The following PRDM11 variants were observed in gnomAD, a reference collection of about 807,000 sequenced individuals.
PRDM11 encodes PR/SET domain 11, also known as PR domain-containing protein 11.
PRDM11 carries 20 observed loss-of-function variants against 97.8 expected under a neutral mutation model. The ratio of observed to expected loss-of-function variants is 0.20; its 90% CI spans 0.14 to 0.30. PRDM11 has a LOEUF of 0.30. PRDM11 is among the 10% of genes least tolerant of loss of function. PRDM11 has a pLI of 1.00. For missense variants in PRDM11, 1,139 were observed against 1,555.2 expected, an observed-to-expected ratio of 0.73 and a Z score of 4.50; for synonymous variants, 599 against 637.7, an observed-to-expected ratio of 0.94 and a Z score of 0.91.
chr11:45,203,623 AT>A (rs3052176), intron 4 of PRDM11, among the ~76,000 whole-genome samples: 70 of 143,926 alleles, frequency 4.9e-4, no homozygotes, highest in Middle Eastern at 3.6e-3. Context: ...TACTCCCATA[AT>A]TTTTTTTTTT....
At chr11:45,186,161 G>GT (rs1852698085) in intron 4 of PRDM11, among the ~76,000 whole-genome samples, 1 of 152,216 alleles carries the variant, frequency 6.6e-6, no homozygotes, top group Non-Finnish European at 1.5e-5. Flanking sequence ...AGCCACTGTG[G>GT]TTTTGGCAGT....
intron 1 of PRDM11, among the ~76,000 whole-genome samples, chr11:45,167,125 A>T (rs1056549047): frequency 1.3e-5 from 2 of 152,312 alleles, no homozygotes; most frequent in East Asian, 3.9e-4. Context: ...AGATCATACA[A>T]AAATGGAATT....
intron 1 of PRDM11, among the ~76,000 whole-genome samples, chr11:45,134,701 GAAAAAAAAAA>G (rs1191008824): frequency 3.4e-4 from 15 of 44,266 alleles, no homozygotes; most frequent in East Asian, 1.8e-3. Context: ...CCTGTCTCAC[GAAAAAAAAAA>G]AAAAAAAAAA....
intron 4 of PRDM11, among the ~76,000 whole-genome samples, chr11:45,188,052 C>A (rs1387862439): frequency 6.6e-6 from 1 of 152,076 alleles, no homozygotes; most frequent in Non-Finnish European, 1.5e-5. Context: ...TACTGGATAT[C>A]ATCTTCTTTG....
chr11:45,158,235 A>G (rs926255705), intron 1 of PRDM11, among the ~76,000 whole-genome samples: 3 of 152,170 alleles, frequency 2.0e-5, no homozygotes, highest in African/African-American at 7.2e-5. Context: ...GAACAGACCA[A>G]GGTGTGCCTG....
intron 1 of PRDM11, among the ~76,000 whole-genome samples, chr11:45,157,209 A>T (rs547224448): frequency 6.6e-6 from 1 of 152,116 alleles, no homozygotes; most frequent in Non-Finnish European, 1.5e-5. Context: ...GGACCATTTC[A>T]TGAAGGACAA....
In PRDM11 at chr11:45,173,588, T is replaced by C. The variant is rs181093117; in HGVS notation, c.-6-8173T>C. On this transcript the variant is annotated intron_variant, in intron 1 of 7. Coordinates refer to ENST00000683152, the MANE Select transcript of PRDM11 (RefSeq NM_001384648.1). ...AGTGAGCCGAGATCACGCCACTGCATTCCAGCCTGGACAACAAGAGAGAAA... is the reference window on the plus strand; with the variant it reads ...AGTGAGCCGAGATCACGCCACTGCACTCCAGCCTGGACAACAAGAGAGAAA... 7.2e-4 allele frequency among the ~76,000 whole-genome samples: 108 copies of C among 149,938 alleles called. 2 individuals are homozygous for C. The East Asian group carries it at 0.015, about 21-fold the overall frequency.
intron 1 of PRDM11, among the ~76,000 whole-genome samples, chr11:45,096,682 T>G (rs530804334): frequency 1.3e-5 from 2 of 152,318 alleles, no homozygotes; most frequent in South Asian, 4.1e-4. Context: ...AGCAGCCTCT[T>G]CACTGGCTTT....
At chr11:45,213,544 C>T (rs1853852940) in intron 5 of PRDM11, 1 of 456,484 alleles carries the variant, frequency 2.2e-6, no homozygotes, top group Non-Finnish European at 4.4e-6. Flanking sequence ...CCTTGGCCCT[C>T]CGCTTGCCCT....
intron 1 of PRDM11, among the ~76,000 whole-genome samples, chr11:45,098,640 T>A (rs1445430658): frequency 6.6e-6 from 1 of 152,084 alleles, no homozygotes; most frequent in Admixed American, 6.6e-5. Flanking sequence ...CTACCATGAC[T>A]ATGGGGTGGT....
At chr11:45,218,938 G>T (rs1854033003) in intron 5 of PRDM11, among the ~76,000 whole-genome samples, 1 of 152,240 alleles carries the variant, frequency 6.6e-6, no homozygotes, top group Admixed American at 6.5e-5. Flanking sequence ...TGGCCTCTCT[G>T]AGCCTCAGTC....
intron 5 of PRDM11, among the ~76,000 whole-genome samples, chr11:45,210,295 C>G (rs979360911): frequency 6.6e-6 from 1 of 152,230 alleles, no homozygotes; most frequent in Non-Finnish European, 1.5e-5. Context: ...CTGTACTTGT[C>G]CCTGCCTTTC....
intron 1 of PRDM11, among the ~76,000 whole-genome samples, chr11:45,128,401 C>CTT (rs1307430883): frequency 3.9e-5 from 6 of 152,176 alleles, no homozygotes; most frequent in Non-Finnish European, 5.9e-5. Flanking sequence ...AACCCGGTAC[C>CTT]TCAGATGGAA....
At chr11:45,163,092 C>T (rs1290891887) in intron 1 of PRDM11, among the ~76,000 whole-genome samples, 1 of 152,162 alleles carries the variant, frequency 6.6e-6, no homozygotes, top group Non-Finnish European at 1.5e-5. Flanking sequence ...TCCCAGCTGT[C>T]CACACTGGAG....
At position 45,233,713 on chromosome 11, in the gene PRDM11, A is replaced by AT. The variant is rs1215941390; in HGVS notation, c.*5555dup. On this transcript the variant is annotated 3_prime_UTR_variant, in exon 8 of 8. Coordinates refer to ENST00000683152, the MANE Select transcript of PRDM11 (RefSeq NM_001384648.1). ...GTCAGGAGGAGAGGATGTGGGCAGC[A>AT]TGAGCATCGCCAGGCAGCGCTGCCC... is the stretch of plus-strand genomic sequence containing the variant. 1.3e-5 allele frequency: 2 copies of AT among 152,282 alleles called. No individual in the cohort carries two copies. The highest frequency in any genetic ancestry group is 2.9e-5 in the Non-Finnish European group (2 of 68,108). 9.4% of individuals were successfully genotyped at this position (152,282 alleles called of 1,614,324 possible). A position where few individuals can be genotyped will look rare whatever the true frequency, so the allele number is the denominator to read the frequency against.
At chr11:45,132,523 G>T (rs1852743949) in intron 1 of PRDM11, among the ~76,000 whole-genome samples, 1 of 152,170 alleles carries the variant, frequency 6.6e-6, no homozygotes, top group South Asian at 2.1e-4. Context: ...AAATAAAAGG[G>T]AGCTTGCAGA....
In PRDM11 at chr11:45,226,713, G is replaced by A. The variant is rs565058100; in HGVS notation, c.2088G>A (p.Glu696=). ...PPATEFLSLQ[E]LGFSSTESYL... ...CCACAGAGTTCCTGTCCCTGCAGGA[G>A]CTGGGATTCTCTAGCACAGAAAGCT... The change falls in exon 8 of 8, where the codon GAG becomes GAA. Residue 696 remains glutamate, a synonymous_variant. Coordinates refer to ENST00000683152, the MANE Select transcript of PRDM11 (RefSeq NM_001384648.1). 1.3e-6 allele frequency: 2 copies of A among 1,533,990 alleles called. No individual in the cohort carries two copies. Among genetic ancestry groups the A allele is most frequent in the Non-Finnish European group, 1.7e-6 (2 of 1,146,732 alleles).
At chr11:45,216,478 G>C (rs983630413) in intron 5 of PRDM11, among the ~76,000 whole-genome samples, 1 of 152,144 alleles carries the variant, frequency 6.6e-6, no homozygotes, top group Non-Finnish European at 1.5e-5. Flanking sequence ...AGGGTTCTGG[G>C]GGGTGGTCGA....
At chr11:45,113,788 TTGTGTGTGTG>T (rs142584346) in intron 1 of PRDM11, among the ~76,000 whole-genome samples, 2,856 of 137,170 alleles carry the variant, frequency 0.021, 104 homozygotes, top group African/African-American at 0.07. Context: ...TGCTACTGAT[TTGTGTGTGTG>T]TGTGTGTGTG....
Sources: gnomAD v4.1 joint callset for allele counts (sites outside exome capture counted in the v4.1 genomes callset) on GRCh38, gnomAD v4.1.1 for gene constraint, MANE v1.5 for transcripts, NCBI Gene and HGNC (gene_info 2026-07-23, HGNC 2026-07-21) for gene names.